GART: variants seen among roughly 807,000 people sequenced by gnomAD.
The protein encoded by GART is phosphoribosylglycinamide formyltransferase, phosphoribosylglycinamide synthetase, phosphoribosylaminoimidazole synthetase, also known as trifunctional purine biosynthetic protein adenosine-3.
Under a neutral mutation model 107.2 loss-of-function variants are expected in GART, and 43 were observed. The observed-to-expected ratio is 0.40, with a 90% CI of 0.31 to 0.52. GART has a LOEUF of 0.52. Ranked by LOEUF, GART falls within the 20% of genes least tolerant of loss-of-function variation. GART has a pLI of 0.52. For synonymous variants in GART, 434 were observed against 427.0 expected, an observed-to-expected ratio of 1.02 and a Z score of -0.20; for missense variants, 1,107 against 1,206.5, an observed-to-expected ratio of 0.92 and a Z score of 1.22.
intron 10 of GART, among the ~76,000 whole-genome samples, chr21:33,525,240 AAAT>A (rs974001752): frequency 2.0e-5 from 3 of 151,966 alleles, no homozygotes; most frequent in Non-Finnish European, 2.9e-5. Context: ...ATAAATAAAT[AAAT>A]AATAATAGCC....
chr21:33,533,658 A>G (rs1449626187), intron 4 of GART, among the ~76,000 whole-genome samples: 2 of 152,092 alleles, frequency 1.3e-5, no homozygotes, highest in Non-Finnish European at 2.9e-5. Flanking sequence ...TAATCCCAGC[A>G]CTTTGGGAGG....
chr21:33,510,520 CG>C (rs1569011445), intron 17 of GART, among the ~76,000 whole-genome samples: 1 of 151,610 alleles, frequency 6.6e-6, no homozygotes, highest in African/African-American at 2.4e-5. Flanking sequence ...TTAGTAGAGA[CG>C]GGGTTTCACT....
At chr21:33,518,326 A>G (rs2084913200) in intron 14 of GART, among the ~76,000 whole-genome samples, 1 of 152,156 alleles carries the variant, frequency 6.6e-6, no homozygotes, top group Admixed American at 6.5e-5. Context: ...AAAAACACAA[A>G]AATTAACCAG....
intron 6 of GART, 193 bp downstream of exon 6, chr21:33,531,296 A>T (rs1353995231): frequency 3.4e-6 from 2 of 596,864 alleles, no homozygotes; most frequent in African/African-American, 1.8e-5. Flanking sequence ...CTAACACACT[A>T]GGGATGACTA....
intron 16 of GART, among the ~76,000 whole-genome samples, chr21:33,514,034 G>C (rs2084835153): frequency 6.6e-6 from 1 of 152,196 alleles, no homozygotes; most frequent in Non-Finnish European, 1.5e-5. Flanking sequence ...GGGAGGCTGA[G>C]ATGGGCAGAT....
At position 33,509,850 on chromosome 21, in the gene GART, G is replaced by A. The variant is rs1471298437; in HGVS notation, c.2385C>T (p.Gly795=). The change falls in exon 18 of 22, where the codon GGC becomes GGT. Residue 795 remains glycine (G), a synonymous_variant. Coordinates refer to ENST00000381815, the MANE Select transcript of GART (RefSeq NM_000819.5). The part of the protein sequence containing the change: ...MQINGSVLKN[G]SLTNHFSFEK... ...CAAAAGAGAAATGATTTGTCAGGGA[G>A]CCATTCTTCAACACTGACCCATTTA... 6.2e-7 allele frequency: 1 copy of A among 1,613,110 alleles called. No individual in the cohort carries two copies. The highest frequency in any genetic ancestry group is 1.3e-5 in the African/African-American group (1 of 74,854).
intron 14 of GART, among the ~76,000 whole-genome samples, chr21:33,519,281 C>T (rs1049258850): frequency 5.1e-4 from 78 of 152,168 alleles, no homozygotes; most frequent in African/African-American, 1.8e-3. Flanking sequence ...TGGCCGGGCA[C>T]GGTGGCTCAT....
In GART at chr21:33,530,784, A is replaced by G. The variant is rs2085171180; in HGVS notation, c.698T>C (p.Met233Thr). 2 of 1,518,822 alleles carry G rather than the reference A, an allele frequency of 1.3e-6. No individual in the cohort carries two copies. The highest frequency in any genetic ancestry group is 1.8e-6 in the Non-Finnish European group (2 of 1,139,348). The allele number at this position is 1,518,822 out of a possible 1,614,324, so 94.1% of individuals were successfully genotyped here. The change falls in exon 7 of 22, where the codon ATG (methionine) becomes ACG (threonine). Residue 233 changes from methionine to threonine, a missense_variant. Met to Thr is a moderately conservative substitution (Grantham distance 81, BLOSUM62 -1). Coordinates refer to ENST00000381815, the MANE Select transcript of GART (RefSeq NM_000819.5). The part of the protein sequence containing the change: ...EGDGGPNTGG[M>T]GAYCPAPQVS... Reference sequence around the variant, plus strand: ...CTGAGGGGCTGGACAATAGGCTCCCATTCCCCCTGTGTTAGGGCCACCATC... The same window carrying G: ...CTGAGGGGCTGGACAATAGGCTCCCGTTCCCCCTGTGTTAGGGCCACCATC...
intron 11 of GART, 162 bp downstream of exon 11, chr21:33,524,607 G>T: frequency 2.0e-5 from 28 of 1,390,238 alleles, no homozygotes; most frequent in East Asian, 7.9e-5. Context: ...TTTGAGTATT[G>T]CTATAACCAG....
chr21:33,520,561 A>G lies in GART; in HGVS notation c.1505T>C (p.Ile502Thr). 6.2e-7 allele frequency: 1 copy of G among 1,613,286 alleles called. No homozygotes were observed. The highest frequency in any genetic ancestry group is 8.5e-7 in the Non-Finnish European group (1 of 1,179,336). Residue 502 changes from isoleucine to threonine, a missense_variant and splice_region_variant, in exon 14 of 22, where the codon ATT (isoleucine) becomes ACT (threonine). Physicochemically the swap from Ile to Thr is moderately conservative, Grantham distance 89. Transcript: ENST00000381815. ...ATCATGTTTATTGCATAGCTGGGCA[A>G]TCTATGTAAGAACAATATAAACATC... Reference protein sequence around the residue: ...GTDGVGTKLKIAQLCNKHDTI... With the variant: ...GTDGVGTKLKTAQLCNKHDTI...
intron 17 of GART, 33 bp from the exon 18 acceptor site, chr21:33,509,953 G>A: frequency 1.3e-6 from 2 of 1,565,224 alleles, no homozygotes; most frequent in South Asian, 1.2e-5. Flanking sequence ...AATAAGTAAA[G>A]AACAATTGTG....
intron 14 of GART, among the ~76,000 whole-genome samples, chr21:33,518,359 T>G (rs1206757980): frequency 6.6e-6 from 1 of 152,114 alleles, no homozygotes; most frequent in Non-Finnish European, 1.5e-5. Context: ...ATGCCTGTAA[T>G]CCCAGCTACT....
At chr21:33,521,111 CG>C in intron 12 of GART, 96 bp from the exon 13 acceptor site, 1 of 930,828 alleles carries the variant, frequency 1.1e-6, no homozygotes, top group Non-Finnish European at 1.7e-6. Flanking sequence ...GTATATTTAG[CG>C]GCCTGTGAGA....
At chr21:33,533,466 A>G (rs2085237627) in intron 4 of GART, among the ~76,000 whole-genome samples, 1 of 149,856 alleles carries the variant, frequency 6.7e-6, no homozygotes, top group African/African-American at 2.5e-5. Flanking sequence ...TAAATAAATA[A>G]AAATAAAAAT....
chr21:33,539,145 T>C (rs761624265), intron 2 of GART, 26 bp downstream of exon 2: 3 of 1,600,010 alleles, frequency 1.9e-6, no homozygotes, highest in Non-Finnish European at 2.6e-6. Flanking sequence ...TAATAACTAT[T>C]ACTCCCCACT....
chr21:33,533,593 A>G (rs2085240638), intron 4 of GART, among the ~76,000 whole-genome samples: 1 of 151,902 alleles, frequency 6.6e-6, no homozygotes, highest in East Asian at 2.0e-4. Flanking sequence ...ATGTTGTAAG[A>G]TGCCACTGCG....
intron 11 of GART, chr21:33,524,169 A>C (rs996176465): frequency 8.1e-6 from 8 of 985,212 alleles, no homozygotes; most frequent in Non-Finnish European, 9.6e-6. Flanking sequence ...TTACAAAGTT[A>C]GATGACCAGT....
chr21:33,524,773 G>A lies in GART; in HGVS notation c.1294C>T (p.Pro432Ser), dbSNP rs2085037754. The change falls in exon 11 of 22, where the codon CCC becomes TCC. Residue 432 changes from proline to serine, a missense_variant. Transcript: ENST00000381815. Reference protein sequence around the residue: ...GFRAIAFLQQPRSLTYKESGV... With the variant: ...GFRAIAFLQQSRSLTYKESGV... ...CTAACTTGCTTAGAGTTTTACCTGG[G>A]CTGCTGGAGGAAAGCTATGGCACGA... 5.0e-6 allele frequency: 8 copies of A among 1,614,202 alleles called. No individual in the cohort carries two copies. Among genetic ancestry groups the A allele is most frequent in the African/African-American group, 1.3e-5 (1 of 75,070 alleles).
Position 33,530,848 on chromosome 21 carries a change from T to C in GART, c.634A>G (p.Met212Val), listed in dbSNP as rs768440468. The C allele has an allele frequency of 4.6e-6, 7 of 1,531,218 alleles. No homozygotes were observed. Among genetic ancestry groups the C allele is most frequent in the Non-Finnish European group, 6.1e-6 (7 of 1,150,086 alleles). 94.9% of individuals were successfully genotyped at this position (1,531,218 alleles called of 1,614,324 possible). ...CFTDGKTVAP[M>V]PPAQDHKRLL... The stretch of plus-strand genomic sequence containing the variant: ...CGCTTATGGTCCTGTGCTGGGGGCA[T>C]GGGGGCCACAGTCTTGCCATCAGTG... Residue 212 changes from methionine to valine, a missense_variant, in exon 7 of 22, where the codon ATG (methionine) becomes GTG (valine). Physicochemically the swap from Met to Val is conservative, Grantham distance 21 (BLOSUM62 1). Transcript: ENST00000381815.
Sources: gnomAD v4.1 joint callset for allele counts (sites outside exome capture counted in the v4.1 genomes callset) on GRCh38, gnomAD v4.1.1 for gene constraint, MANE v1.5 for transcripts, NCBI Gene and HGNC (gene_info 2026-07-23, HGNC 2026-07-21) for gene names.